Variants in SYN2 observed in about 807,000 individuals in gnomAD.
SYN2 encodes synapsin-2.
SYN2 carries 19 observed loss-of-function variants against 50.9 expected under a neutral mutation model. That is an observed-to-expected ratio of 0.37 (90% confidence interval 0.26 to 0.55). The LOEUF is 0.55. SYN2 is among the 20% of genes least tolerant of loss of function. The pLI is 0.81. For missense variants in SYN2, 587 were observed against 576.4 expected (o/e 1.02, Z -0.19); for synonymous variants, 255 against 224.9 (o/e 1.13, Z -1.20).
intron 1 of SYN2, among the ~76,000 whole-genome samples, chr3:12,038,896 T>G (rs1694555882): frequency 6.6e-6 from 1 of 152,202 alleles, no homozygotes; most frequent in African/African-American, 2.4e-5. Flanking sequence ...TCGGATGCCT[T>G]TAATTTCTTT....
chr3:12,137,656 T>G (rs564778780), intron 1 of SYN2, among the ~76,000 whole-genome samples: 357 of 152,332 alleles, frequency 2.3e-3, no homozygotes, highest in Non-Finnish European at 4.4e-3. Flanking sequence ...GGCCCATCAA[T>G]ATGTGCTGAA....
At chr3:12,076,754 A>G (rs1695476439) in intron 1 of SYN2, among the ~76,000 whole-genome samples, 1 of 152,118 alleles carries the variant, frequency 6.6e-6, no homozygotes, top group Admixed American at 6.6e-5. Flanking sequence ...TTAGTGATAG[A>G]ACTGTGTTTT....
Position 12,183,952 on chromosome 3 carries a change from G to A in SYN2, c.1369+580G>A, listed in dbSNP as rs1043517. 6.5e-5 allele frequency: 64 copies of A among 989,702 alleles called. No individual in the cohort carries two copies. In the Middle Eastern group the frequency reaches 2.6e-3, roughly 40 times the overall value. The allele number at this position is 989,702 out of a possible 1,614,324, so 61.3% of individuals were successfully genotyped here. On this transcript the variant is annotated intron_variant, in intron 11 of 12. Transcript: ENST00000621198. ...TTCGCTTTCTTTCTGCATGACTATT[G>A]TAACTAGATAGAACATTAAGAGATT...
intron 10 of SYN2, among the ~76,000 whole-genome samples, chr3:12,175,923 C>A (rs908054412): frequency 6.6e-6 from 1 of 152,202 alleles, no homozygotes; most frequent in African/African-American, 2.4e-5. Flanking sequence ...GACAGCTTGG[C>A]CTCAGGCCTG....
chr3:12,168,248 G>C lies in SYN2; in HGVS notation c.1056-128G>C, dbSNP rs940945492. 1.9e-5 allele frequency: 14 copies of C among 718,446 alleles called. No homozygotes were observed. The African/African-American group carries it at 2.4e-4, about 13-fold the overall frequency. 44.5% of individuals were successfully genotyped at this position (718,446 alleles called of 1,614,324 possible). ...TAAATAAGGGTATGTGCTTGATACG[G>C]GTAGATGGAGGGAGCAGTGGGAATG... is the stretch of plus-strand genomic sequence containing the variant. On this transcript the variant is annotated intron_variant, in intron 8 of 12. Transcript: ENST00000621198.
chr3:12,134,823 G>A (rs1324298934), intron 1 of SYN2, among the ~76,000 whole-genome samples: 2 of 152,168 alleles, frequency 1.3e-5, no homozygotes, highest in East Asian at 1.9e-4. Flanking sequence ...AGTGCTAGAT[G>A]TAAATCTGAA....
chr3:12,037,684 A>G (rs1694527417), intron 1 of SYN2, among the ~76,000 whole-genome samples: 1 of 152,212 alleles, frequency 6.6e-6, no homozygotes, highest in Non-Finnish European at 1.5e-5. Flanking sequence ...CCATGATAAC[A>G]GCATTAATCC....
chr3:12,149,210 A>T (rs1697222097), intron 4 of SYN2, among the ~76,000 whole-genome samples: 1 of 152,282 alleles, frequency 6.6e-6, no homozygotes, highest in South Asian at 2.1e-4. Context: ...GTAGGGCCCC[A>T]CATGTCTTGG....
intron 5 of SYN2, among the ~76,000 whole-genome samples, chr3:12,152,801 G>A (rs555762529): frequency 4.0e-4 from 61 of 152,280 alleles, no homozygotes; most frequent in African/African-American, 1.4e-3. Flanking sequence ...TCAGTTGAGG[G>A]CATTAAGGAT....
chr3:12,022,229 G>A (rs1047098402), intron 1 of SYN2, among the ~76,000 whole-genome samples: 1 of 152,032 alleles, frequency 6.6e-6, no homozygotes, highest in African/African-American at 2.4e-5. Flanking sequence ...CTGATGGTAG[G>A]CCTCAAAAAA....
intron 1 of SYN2, among the ~76,000 whole-genome samples, chr3:12,127,929 C>T (rs1313650323): frequency 6.6e-6 from 1 of 152,036 alleles, no homozygotes; most frequent in Non-Finnish European, 1.5e-5. Flanking sequence ...CTCCCTTGTG[C>T]TTCTATAATA....
intron 1 of SYN2, among the ~76,000 whole-genome samples, chr3:12,054,976 T>C (rs1197685063): frequency 1.3e-5 from 2 of 152,126 alleles, no homozygotes; most frequent in Non-Finnish European, 1.5e-5. Context: ...AAATTTAATA[T>C]TGATTGGTCA....
intron 10 of SYN2, among the ~76,000 whole-genome samples, chr3:12,170,462 A>G (rs745813535): frequency 3.2e-4 from 48 of 152,220 alleles, no homozygotes; most frequent in Admixed American, 2.6e-4. Flanking sequence ...GCTGTAGTGC[A>G]TGACTCATGG....
chr3:12,147,862 C>T (rs1012177221), intron 4 of SYN2, among the ~76,000 whole-genome samples: 1 of 152,104 alleles, frequency 6.6e-6, no homozygotes, highest in African/African-American at 2.4e-5. Context: ...GCCTGTAATC[C>T]CAGCACTTTG....
chr3:12,104,323 C>T (rs539979321), intron 1 of SYN2, among the ~76,000 whole-genome samples: 2 of 152,024 alleles, frequency 1.3e-5, no homozygotes, highest in South Asian at 2.1e-4. Context: ...TTTAAAATAG[C>T]CTCAAAATAA....
At chr3:12,022,476 C>T (rs950061623) in intron 1 of SYN2, among the ~76,000 whole-genome samples, 3 of 152,054 alleles carry the variant, frequency 2.0e-5, no homozygotes, top group South Asian at 2.1e-4. Flanking sequence ...GGCGCGATCT[C>T]GGCTCACTGC....
rs191526559 is a variant in SYN2, at chr3:12,189,394, T to C, written c.1614-1096T>C. Among the ~76,000 whole-genome samples the C allele has an allele frequency of 5.3e-5, 8 of 152,330 alleles. No homozygotes were observed. The East Asian group carries it at 1.4e-3, about 26-fold the overall frequency. ...TGGATTTTCTCATTAGAAAACTCCCTAAGAAACTTGTAAAGGCCTGATATA... is the reference window on the plus strand; with the variant it reads ...TGGATTTTCTCATTAGAAAACTCCCCAAGAAACTTGTAAAGGCCTGATATA... On this transcript the variant is annotated intron_variant, in intron 12 of 12. Coordinates refer to ENST00000621198, the MANE Select transcript of SYN2 (RefSeq NM_133625.6).
chr3:12,179,374 G>GAAAAAA (rs536283283), intron 10 of SYN2, among the ~76,000 whole-genome samples: 27 of 92,566 alleles, frequency 2.9e-4, no homozygotes, highest in East Asian at 3.8e-4. Flanking sequence ...AGAACTGAAA[G>GAAAAAA]AAAAAAAAAA....
intron 11 of SYN2, among the ~76,000 whole-genome samples, chr3:12,187,083 C>G (rs1698356485): frequency 6.6e-6 from 1 of 152,188 alleles, no homozygotes; most frequent in Non-Finnish European, 1.5e-5. Flanking sequence ...CTAGGGCCCT[C>G]TGTGAGAGAG....
Sources: gnomAD v4.1 joint callset for allele counts (sites outside exome capture counted in the v4.1 genomes callset) on GRCh38, gnomAD v4.1.1 for gene constraint, MANE v1.5 for transcripts, NCBI Gene and HGNC (gene_info 2026-07-23, HGNC 2026-07-21) for gene names.